The following DMRT1 variants were observed in gnomAD, a reference collection of about 807,000 sequenced individuals.
DMRT1 encodes doublesex and mab-3 related transcription factor 1, also known as doublesex- and mab-3-related transcription factor 1.
Under a neutral mutation model 32.3 loss-of-function variants are expected in DMRT1, and 7 were observed. That is an observed-to-expected ratio of 0.22 (90% CI 0.12 to 0.41). The LOEUF (loss-of-function observed/expected upper bound fraction) is 0.41. Among genes scored for constraint, DMRT1 ranks in the 10% least tolerant of loss-of-function variants. DMRT1 has a pLI of 1.00. For missense variants in DMRT1, 625 were observed against 500.5 expected, an observed-to-expected ratio of 1.25 and a Z score of -2.37; for synonymous variants, 278 against 206.1, an observed-to-expected ratio of 1.35 and a Z score of -2.99.
chr9:903,854 T>G (rs1417018611), intron 3 of DMRT1, among the ~76,000 whole-genome samples: 3 of 152,234 alleles, frequency 2.0e-5, no homozygotes, highest in Non-Finnish European at 2.9e-5. Context: ...TTCAGTCTGG[T>G]TGAAGTGGTC....
intron 4 of DMRT1, among the ~76,000 whole-genome samples, chr9:924,221 A>G (rs10977533): frequency 0.69 from 104,739 of 151,388 alleles, 37,158 homozygotes; most frequent in South Asian, 0.89. Flanking sequence ...ACAGGGGTGC[A>G]CCACCACACC....
At chr9:898,281 G>C (rs1161091171) in intron 3 of DMRT1, among the ~76,000 whole-genome samples, 1 of 152,052 alleles carries the variant, frequency 6.6e-6, no homozygotes, top group African/African-American at 2.4e-5. Context: ...CACCACGCCC[G>C]GCTAATTTTT....
At chr9:862,090 T>C (rs1208431766) in intron 2 of DMRT1, among the ~76,000 whole-genome samples, 63 of 132,922 alleles carry the variant, frequency 4.7e-4, no homozygotes, top group South Asian at 9.8e-4. Context: ...CCTCACTTCC[T>C]AGACGGGGTG....
At chr9:851,260 A>G (rs1839139748) in intron 2 of DMRT1, among the ~76,000 whole-genome samples, 1 of 152,034 alleles carries the variant, frequency 6.6e-6, no homozygotes, top group Admixed American at 6.6e-5. Flanking sequence ...ATTTTTTGAG[A>G]CACAGTCTCG....
At chr9:957,520 G>A (rs1660223061) in intron 4 of DMRT1, among the ~76,000 whole-genome samples, 1 of 152,152 alleles carries the variant, frequency 6.6e-6, no homozygotes, top group Non-Finnish European at 1.5e-5. Context: ...GTGTGCACTT[G>A]GTTCTGTAAT....
intron 2 of DMRT1, among the ~76,000 whole-genome samples, chr9:854,482 C>A (rs143722970): frequency 0.018 from 2,698 of 151,748 alleles, 78 homozygotes; most frequent in African/African-American, 0.059. Context: ...CAGGGTTTTG[C>A]CACGTTGGCC....
intron 4 of DMRT1, among the ~76,000 whole-genome samples, chr9:954,932 G>A (rs1007998014): frequency 2.0e-5 from 3 of 152,158 alleles, no homozygotes; most frequent in Non-Finnish European, 4.4e-5. Context: ...GAGCCACTCC[G>A]CCTGGCCGTT....
At chr9:878,038 A>G (rs999853033) in intron 2 of DMRT1, among the ~76,000 whole-genome samples, 3 of 152,240 alleles carry the variant, frequency 2.0e-5, no homozygotes, top group Non-Finnish European at 4.4e-5. Context: ...GTCATAGACC[A>G]CGCTAGGAGA....
intron 4 of DMRT1, among the ~76,000 whole-genome samples, chr9:951,071 A>T (rs1215567965): frequency 6.6e-6 from 1 of 152,230 alleles, no homozygotes; most frequent in Non-Finnish European, 1.5e-5. Context: ...TATTACAACT[A>T]GTAATATTTG....
chr9:859,532 T>C (rs1219781207), intron 2 of DMRT1, among the ~76,000 whole-genome samples: 1 of 152,294 alleles, frequency 6.6e-6, no homozygotes, highest in Non-Finnish European at 1.5e-5. Context: ...ATATGTGCAT[T>C]TCTGTTTCAG....
In DMRT1 at chr9:916,855, C is replaced by G. The variant is rs1457061085; in HGVS notation, c.915C>G (p.Pro305=). 1 of 1,614,184 alleles carries G rather than the reference C, an allele frequency of 6.2e-7. No homozygotes were observed. Among genetic ancestry groups the G allele is most frequent in the South Asian group, 1.1e-5 (1 of 91,086 alleles). ...PPPSYLGQSV[P]QFFTFEDAPS... ...CCTCTTACCTGGGCCAGAGCGTGCC[C>G]CAGTTCTTCACTTTTGAGGATGCTC... The change falls in exon 4 of 5, where the codon CCC becomes CCG. Residue 305 remains proline, a synonymous_variant. Transcript: ENST00000382276.
intron 1 of DMRT1, among the ~76,000 whole-genome samples, chr9:843,237 C>T (rs1189296942): frequency 6.6e-6 from 1 of 152,196 alleles, no homozygotes; most frequent in Non-Finnish European, 1.5e-5. Flanking sequence ...GCTGCTTACG[C>T]GGGTAACCTG....
At chr9:876,366 A>G (rs765572600) in intron 2 of DMRT1, among the ~76,000 whole-genome samples, 2 of 152,070 alleles carry the variant, frequency 1.3e-5, no homozygotes, top group Non-Finnish European at 2.9e-5. Context: ...CTTACCTGAC[A>G]TTCCCTGCTG....
chr9:858,806 G>A lies in DMRT1; in HGVS notation c.538+11663G>A, dbSNP rs1214298063. ...GGAGAATCGCTTGAACCTGGGAGTC[G>A]GAGGTTGCAGTGAGCTGAGATCGCG... On this transcript the variant is annotated intron_variant, in intron 2 of 4. Transcript: ENST00000382276. 4.0e-5 allele frequency among the ~76,000 whole-genome samples: 6 copies of A among 150,420 alleles called. No homozygotes were observed. In the South Asian group the frequency reaches 6.3e-4, roughly 16 times the overall value.
intron 4 of DMRT1, among the ~76,000 whole-genome samples, chr9:922,925 A>G (rs1246118816): frequency 2.0e-5 from 3 of 152,186 alleles, no homozygotes; most frequent in Admixed American, 2.0e-4. Context: ...GATGGGCTCC[A>G]TGGAGTTGAA....
chr9:924,291 C>G (rs1039637212), intron 4 of DMRT1, among the ~76,000 whole-genome samples: 1 of 152,086 alleles, frequency 6.6e-6, no homozygotes, highest in South Asian at 2.1e-4. Context: ...AGGCTGGTCT[C>G]GAACTCCTGA....
At chr9:871,322 G>A (rs1049017019) in intron 2 of DMRT1, among the ~76,000 whole-genome samples, 2 of 147,564 alleles carry the variant, frequency 1.4e-5, no homozygotes, top group Non-Finnish European at 3.0e-5. Flanking sequence ...CCGGTAGCCC[G>A]GCTGGTCTTT....
chr9:964,628 G>C (rs1819875387), intron 4 of DMRT1, among the ~76,000 whole-genome samples: 1 of 152,122 alleles, frequency 6.6e-6, no homozygotes, highest in Non-Finnish European at 1.5e-5. Context: ...TATTGCCTGT[G>C]AATGCTTCCT....
chr9:880,363 A>T (rs1044072735), intron 2 of DMRT1, among the ~76,000 whole-genome samples: 1 of 152,202 alleles, frequency 6.6e-6, no homozygotes, highest in Non-Finnish European at 1.5e-5. Flanking sequence ...TAGCAAAATC[A>T]ACATAACATT....
Sources: allele counts gnomAD v4.1 joint callset (sites outside exome capture counted in the v4.1 genomes callset), GRCh38; gene constraint gnomAD v4.1.1; transcripts MANE v1.5; gene names NCBI Gene and HGNC (gene_info 2026-07-23, HGNC 2026-07-21).